Variants in UBE3D observed in about 807,000 individuals in gnomAD.
UBE3D encodes the protein ubiquitin protein ligase E3D.
UBE3D carries 48 observed loss-of-function variants against 49.6 expected under a neutral mutation model. The ratio of observed to expected loss-of-function variants is 0.97; its 90% CI spans 0.77 to 1.23. The LOEUF is 1.23. Ranked by LOEUF, UBE3D falls within the 50% of genes most tolerant of loss-of-function variation. UBE3D has a pLI of 0.00. For synonymous variants in UBE3D, 189 were observed against 174.2 expected (o/e 1.08, Z -0.67); for missense variants, 452 against 468.4 (o/e 0.96, Z 0.32).
intron 8 of UBE3D, among the ~76,000 whole-genome samples, chr6:82,986,239 G>A (rs1778482982): frequency 6.6e-6 from 1 of 151,960 alleles, no homozygotes; most frequent in South Asian, 2.1e-4. Context: ...TTTGGAGGCC[G>A]TGGCGGGCAG....
chr6:82,987,432 A>G (rs145041700), intron 8 of UBE3D, among the ~76,000 whole-genome samples: 3 of 152,308 alleles, frequency 2.0e-5, no homozygotes, highest in East Asian at 3.9e-4. Flanking sequence ...TTATTTTCCA[A>G]TTCCTGTGCC....
chr6:82,961,547 A>C (rs966543855), intron 8 of UBE3D, among the ~76,000 whole-genome samples: 5 of 152,218 alleles, frequency 3.3e-5, no homozygotes, highest in Non-Finnish European at 5.9e-5. Context: ...CCGAATGCAA[A>C]GTCTGTGCTA....
At chr6:83,042,135 C>A (rs1217221925) in intron 4 of UBE3D, among the ~76,000 whole-genome samples, 1 of 152,094 alleles carries the variant, frequency 6.6e-6, no homozygotes. Flanking sequence ...GTCTCAATCT[C>A]CTGACCTCAT....
chr6:83,029,257 C>T (rs1175752472), intron 5 of UBE3D, among the ~76,000 whole-genome samples: 1 of 152,076 alleles, frequency 6.6e-6, no homozygotes, highest in East Asian at 1.9e-4. Flanking sequence ...TGTTGGAACA[C>T]CTGATATTGT....
At chr6:82,986,141 T>C (rs905997655) in intron 8 of UBE3D, among the ~76,000 whole-genome samples, 5 of 152,156 alleles carry the variant, frequency 3.3e-5, no homozygotes, top group African/African-American at 1.2e-4. Context: ...GTTACCGTCT[T>C]ATCCAATAAT....
Position 83,057,954 on chromosome 6 carries a change from G to A in UBE3D, c.146C>T (p.Pro49Leu). The A allele has an allele frequency of 6.2e-7, 1 of 1,614,180 alleles. No individual in the cohort carries two copies. Among genetic ancestry groups the A allele is most frequent in the South Asian group, 1.1e-5 (1 of 91,086 alleles). The change falls in exon 2 of 10, where the codon CCT becomes CTT. Residue 49 changes from proline to leucine, a missense_variant. Physicochemically the swap from Pro to Leu is moderately conservative, Grantham distance 98. Coordinates refer to ENST00000369747, the MANE Select transcript of UBE3D (RefSeq NM_198920.3). ...IMPSSLQMKT[P>L]EGCTEIQLPA... The stretch of plus-strand genomic sequence containing the variant: ...AAGCTGGATTTCTGTGCAGCCTTCA[G>A]GGGTTTTCATCTGGAGTGAAGATGG...
chr6:82,942,069 T>C (rs1775055158), intron 9 of UBE3D, among the ~76,000 whole-genome samples: 2 of 152,114 alleles, frequency 1.3e-5, no homozygotes, highest in South Asian at 4.1e-4. Context: ...GACAGGAAGA[T>C]GTGAGAAAGT....
chr6:83,054,042 T>A (rs1783649157), intron 3 of UBE3D, 106 bp downstream of exon 3: 1 of 926,232 alleles, frequency 1.1e-6, no homozygotes, highest in Non-Finnish European at 1.7e-6. Context: ...GGCTCTCACT[T>A]TAAGGCCATA....
chr6:83,024,014 T>C lies in UBE3D; in HGVS notation c.692A>G (p.Glu231Gly). Residue 231 changes from glutamate (E) to glycine (G), a missense_variant, in exon 6 of 10, where the codon GAG becomes GGG. By Grantham distance (98) the Glu-to-Gly change is moderately conservative. Transcript: ENST00000369747. ...CCTCTCAGATGACTGAATAATTATC[T>C]CTGTCATATAAAACTTGGTGGTTTC... is the stretch of plus-strand genomic sequence containing the variant. ...SSETTKFYMT[E>G]IIIQSSERSF... 1 of 1,534,026 alleles carries C rather than the reference T, an allele frequency of 6.5e-7. No individual in the cohort carries two copies. The highest frequency in any genetic ancestry group is 8.7e-7 in the Non-Finnish European group (1 of 1,146,822).
intron 3 of UBE3D, among the ~76,000 whole-genome samples, chr6:83,051,810 T>C (rs1435120975): frequency 6.6e-6 from 1 of 152,206 alleles, no homozygotes; most frequent in Non-Finnish European, 1.5e-5. Context: ...CTCAAGACAG[T>C]CACTCTGAGG....
chr6:83,034,358 T>C (rs1308204707), intron 5 of UBE3D, among the ~76,000 whole-genome samples: 1 of 152,224 alleles, frequency 6.6e-6, no homozygotes, highest in South Asian at 2.1e-4. Flanking sequence ...TTTCTTTTCT[T>C]GTTCAACCTT....
At chr6:83,005,119 G>A (rs1234236757) in intron 8 of UBE3D, among the ~76,000 whole-genome samples, 1 of 152,056 alleles carries the variant, frequency 6.6e-6, no homozygotes, top group African/African-American at 2.4e-5. Context: ...AGAATATAAA[G>A]CATTCCTACA....
At chr6:82,958,334 A>G (rs1776314358) in intron 8 of UBE3D, among the ~76,000 whole-genome samples, 1 of 152,154 alleles carries the variant, frequency 6.6e-6, no homozygotes, top group Admixed American at 6.5e-5. Context: ...CTGATCTGCG[A>G]CCAAAGTGTC....
intron 5 of UBE3D, among the ~76,000 whole-genome samples, chr6:83,032,860 C>T (rs948838930): frequency 6.6e-6 from 1 of 152,178 alleles, no homozygotes; most frequent in Non-Finnish European, 1.5e-5. Flanking sequence ...GCTCTGTTGC[C>T]TAATGCCATA....
intron 2 of UBE3D, among the ~76,000 whole-genome samples, chr6:83,057,275 C>T (rs1183946253): frequency 6.6e-6 from 1 of 152,132 alleles, no homozygotes; most frequent in Admixed American, 6.5e-5. Context: ...TCCCATTATT[C>T]TGTTTTATAT....
At chr6:83,011,121 A>G (rs1372808648) in intron 8 of UBE3D, among the ~76,000 whole-genome samples, 2 of 152,198 alleles carry the variant, frequency 1.3e-5, no homozygotes, top group African/African-American at 2.4e-5. Flanking sequence ...CCAACCCTCT[A>G]TTCCATAAAG....
At chr6:82,957,044 G>C (rs1776205648) in intron 9 of UBE3D, among the ~76,000 whole-genome samples, 1 of 152,050 alleles carries the variant, frequency 6.6e-6, no homozygotes, top group Non-Finnish European at 1.5e-5. Flanking sequence ...CATGAGAATT[G>C]CTTAAACCTG....
At chr6:82,957,800 C>G (rs552925475) in intron 8 of UBE3D, among the ~76,000 whole-genome samples, 1 of 152,270 alleles carries the variant, frequency 6.6e-6, no homozygotes, top group South Asian at 2.1e-4. Flanking sequence ...TACATGTAAT[C>G]TCGTTTACCC....
At chr6:82,987,894 C>T (rs1778630276) in intron 8 of UBE3D, among the ~76,000 whole-genome samples, 2 of 151,994 alleles carry the variant, frequency 1.3e-5, no homozygotes, top group African/African-American at 2.4e-5. Flanking sequence ...GCAATTAAAA[C>T]GAATGAATAA....
Sources: allele counts gnomAD v4.1 joint callset (sites outside exome capture counted in the v4.1 genomes callset), GRCh38; gene constraint gnomAD v4.1.1; transcripts MANE v1.5; gene names NCBI Gene and HGNC (gene_info 2026-07-23, HGNC 2026-07-21).